The following CCNB1 variants were observed in gnomAD, a reference collection of about 807,000 sequenced individuals.
CCNB1 encodes the protein cyclin B1.
In CCNB1, 26 loss-of-function variants were observed where a neutral mutation model predicts 44.4. The ratio of observed to expected loss-of-function variants is 0.59; its 90% CI spans 0.43 to 0.81. The LOEUF (loss-of-function observed/expected upper bound fraction) is 0.81. Among genes scored for constraint, CCNB1 ranks in the 40% least tolerant of loss-of-function variants. CCNB1 has a pLI of 0.00. For missense variants in CCNB1, 477 were observed against 520.9 expected, an observed-to-expected ratio of 0.92 and a Z score of 0.82; for synonymous variants, 195 against 181.4, an observed-to-expected ratio of 1.08 and a Z score of -0.60.
chr5:69,171,466 T>G lies in CCNB1; in HGVS notation c.546+14T>G, dbSNP rs369595226. On this transcript the variant is annotated intron_variant, in intron 4 of 8. Transcript: ENST00000256442. ...AGACAACTTGAGGTAAGTATTATCA[T>G]TCGTTTTTTTTCTAAACTGCATCTA... is the stretch of plus-strand genomic sequence containing the variant. 1.9e-6 allele frequency: 3 copies of G among 1,554,478 alleles called. No homozygotes were observed. In the Admixed American group the frequency reaches 6.0e-5, roughly 31 times the overall value.
chr5:69,171,732 C>T (rs1747464351), intron 4 of CCNB1, among the ~76,000 whole-genome samples: 1 of 152,144 alleles, frequency 6.6e-6, no homozygotes, highest in Non-Finnish European at 1.5e-5. Flanking sequence ...TATATGCGAT[C>T]TCCACCACGT....
Position 69,168,338 on chromosome 5 carries a change from A to G in CCNB1, c.358A>G (p.Ile120Val), listed in dbSNP as rs767560839. The G allele has an allele frequency of 1.9e-6, 3 of 1,614,134 alleles. No individual in the cohort carries two copies. Among genetic ancestry groups the G allele is most frequent in the South Asian group, 2.2e-5 (2 of 91,074 alleles). The change falls in exon 3 of 9, where the codon ATT becomes GTT. Residue 120 changes from isoleucine to valine, a missense_variant. Ile to Val is a conservative substitution (Grantham distance 29). Transcript: ENST00000256442. ...AGAAGAAAAACTTTCGCCTGAGCCT[A>G]TTTTGGTAAACTTATTCTTACCATT... ...VKEEKLSPEP[I>V]LVDTASPSPM...
intron 7 of CCNB1, 135 bp from the exon 8 acceptor site, chr5:69,177,104 C>T (rs1747612688): frequency 1.9e-6 from 1 of 524,234 alleles, no homozygotes; most frequent in Non-Finnish European, 3.4e-6. Context: ...GAGTCTTTAG[C>T]TTTGTCTTAA....
chr5:69,173,991 A>G (rs1367642440), intron 4 of CCNB1, among the ~76,000 whole-genome samples: 1 of 151,872 alleles, frequency 6.6e-6, no homozygotes, highest in Non-Finnish European at 1.5e-5. Context: ...CTGGTCTCGA[A>G]CTCCTGGCTG....
At chr5:69,171,880 G>A (rs1747466876) in intron 4 of CCNB1, among the ~76,000 whole-genome samples, 1 of 152,170 alleles carries the variant, frequency 6.6e-6, no homozygotes, top group Non-Finnish European at 1.5e-5. Flanking sequence ...TGTGCATCCA[G>A]TTGTTGGTGA....
In CCNB1 at chr5:69,177,534, A is replaced by G; in HGVS notation, c.1205A>G (p.Asn402Ser). The change falls in exon 9 of 9, where the codon AAC (asparagine) becomes AGC (serine). Residue 402 changes from asparagine to serine, a missense_variant. Transcript: ENST00000256442. ...CTTTTTGTCTTCCAGACTGTCAAGA[A>G]CAAGTATGCCACATCGAAGCATGCT... ...QGLTKHMTVK[N>S]KYATSKHAKI... The G allele has an allele frequency of 1.2e-6, 2 of 1,610,438 alleles. No individual in the cohort carries two copies. The highest frequency in any genetic ancestry group is 1.7e-6 in the Non-Finnish European group (2 of 1,177,256).
At chr5:69,167,799 T>G (rs1747368350) in intron 1 of CCNB1, 109 bp from the exon 2 acceptor site, 4 of 1,013,492 alleles carry the variant, frequency 3.9e-6, no homozygotes, top group Non-Finnish European at 5.8e-6. Flanking sequence ...GGAACCCATT[T>G]TTAGTCGGCT....
Position 69,168,227 on chromosome 5 carries a change from C to G in CCNB1, c.247C>G (p.Leu83Val). The change falls in exon 3 of 9, where the codon CTT becomes GTT. Residue 83 changes from leucine to valine, a missense_variant. Physicochemically the swap from Leu to Val is conservative, Grantham distance 32. Coordinates refer to ENST00000256442, the MANE Select transcript of CCNB1 (RefSeq NM_031966.4). Reference protein sequence around the residue: ...KVIDKKLPKPLEKVPMLVPVP... With the variant: ...KVIDKKLPKPVEKVPMLVPVP... ...CATTGATAAAAAACTACCAAAACCTCTTGAAAAGGTACCTATGCTGGTGCC... is the reference window on the plus strand; with the variant it reads ...CATTGATAAAAAACTACCAAAACCTGTTGAAAAGGTACCTATGCTGGTGCC... 6.2e-7 allele frequency: 1 copy of G among 1,614,210 alleles called. No individual in the cohort carries two copies. The highest frequency in any genetic ancestry group is 8.5e-7 in the Non-Finnish European group (1 of 1,180,038).
rs1747351340 is a variant in CCNB1 at position 69,167,208 on chromosome 5, G to A, written c.-55G>A. ...CTGGGTGTAGGTCCTTGGCTGGTCGGGCCTCCGGTGTTCTGCTTCTCCCCG... is the reference window on the plus strand; with the variant it reads ...CTGGGTGTAGGTCCTTGGCTGGTCGAGCCTCCGGTGTTCTGCTTCTCCCCG... On this transcript the variant is annotated 5_prime_UTR_variant, in exon 1 of 9. Transcript: ENST00000256442. 1.3e-6 allele frequency: 2 copies of A among 1,510,378 alleles called. No individual in the cohort carries two copies. Among genetic ancestry groups the A allele is most frequent in the Admixed American group, 2.1e-5 (1 of 48,570 alleles). The allele number at this position is 1,510,378 out of a possible 1,614,324, so 93.6% of individuals were successfully genotyped here. A position where few individuals can be genotyped will look rare whatever the true frequency, so the allele number is the denominator to read the frequency against.
rs1364699643 is a variant in CCNB1, at chr5:69,171,397, C to T, written c.491C>T (p.Pro164Leu). 1 of 1,613,852 alleles carries T rather than the reference C, an allele frequency of 6.2e-7. No homozygotes were observed. The change falls in exon 4 of 9, where the codon CCA becomes CTA. Residue 164 changes from proline (P) to leucine (L), a missense_variant. By Grantham distance (98) the Pro-to-Leu change is moderately conservative (BLOSUM62 -3). Transcript: ENST00000256442. ...GTGGATGCAGAAGATGGAGCTGATC[C>T]AAACCTTTGTAGTGAATATGTGAAA... ...NDVDAEDGAD[P>L]NLCSEYVKDI...
At chr5:69,173,187 G>A (rs749616328) in intron 4 of CCNB1, among the ~76,000 whole-genome samples, 1 of 152,142 alleles carries the variant, frequency 6.6e-6, no homozygotes, top group Non-Finnish European at 1.5e-5. Context: ...CAGATAAATG[G>A]AGTTTGCTGG....
intron 5 of CCNB1, among the ~76,000 whole-genome samples, chr5:69,174,640 T>C (rs1157576522): frequency 1.3e-5 from 2 of 151,872 alleles, no homozygotes; most frequent in Admixed American, 6.6e-5. Flanking sequence ...TCCCAGCTAC[T>C]GGAGGCGGAG....
chr5:69,167,870 T>C, intron 1 of CCNB1, 38 bp from the exon 2 acceptor site: 2 of 1,560,724 alleles, frequency 1.3e-6, no homozygotes, highest in Non-Finnish European at 1.7e-6. Context: ...ACTCGAGCCT[T>C]CGTGGATCAG....
At chr5:69,167,569 A>G (rs1329189014) in intron 1 of CCNB1, 1 of 520,738 alleles carries the variant, frequency 1.9e-6, no homozygotes, top group Admixed American at 3.8e-5. Context: ...AAAGTGATAG[A>G]GGGTCCCTGA....
chr5:69,178,126 G>C lies in CCNB1; in HGVS notation c.*495G>C, dbSNP rs1423144785. 1 of 152,160 alleles carries C rather than the reference G, an allele frequency of 6.6e-6. No homozygotes were observed. Among genetic ancestry groups the C allele is most frequent in the African/African-American group, 2.4e-5 (1 of 41,406 alleles). The allele number at this position is 152,160 out of a possible 1,614,324, so 9.4% of individuals were successfully genotyped here. A position where few individuals can be genotyped will look rare whatever the true frequency, so the allele number is the denominator to read the frequency against. ...GTTATTTACTTTTACCACTATTTAA[G>C]TTATCAACTTTAGCTAGTATCTTCA... On this transcript the variant is annotated 3_prime_UTR_variant, in exon 9 of 9. Coordinates refer to ENST00000256442, the MANE Select transcript of CCNB1 (RefSeq NM_031966.4).
rs762582614 is a variant in CCNB1, at chr5:69,174,259, A to G, written c.555A>G (p.Gln185=). ...YAYLRQLEEE[Q]AVRPKYLLGR... ...AGCATTTTCTTTTGCAGGAAGAGCAAGCAGTCAGACCAAAATACCTACTGG... is the reference window on the plus strand; with the variant it reads ...AGCATTTTCTTTTGCAGGAAGAGCAGGCAGTCAGACCAAAATACCTACTGG... Residue 185 remains glutamine (Q), a synonymous_variant, in exon 5 of 9, where the codon CAA becomes CAG. Coordinates refer to ENST00000256442, the MANE Select transcript of CCNB1 (RefSeq NM_031966.4). 1.2e-6 allele frequency: 2 copies of G among 1,613,374 alleles called. No individual in the cohort carries two copies. The highest frequency in any genetic ancestry group is 1.7e-6 in the Non-Finnish European group (2 of 1,179,858).
In CCNB1 at chr5:69,168,052, C is replaced by A. The variant is rs776196962; in HGVS notation, c.166C>A (p.Leu56Met). 1.2e-6 allele frequency: 2 copies of A among 1,613,926 alleles called. No homozygotes were observed. Among genetic ancestry groups the A allele is most frequent in the African/African-American group, 2.7e-5 (2 of 74,928 alleles). Residue 56 changes from leucine (L) to methionine (M), a missense_variant, in exon 2 of 9, where the codon CTG (leucine) becomes ATG (methionine). Transcript: ENST00000256442. Reference protein sequence around the residue: ...GDIGNKVSEQLQAKMPMKKEA... With the variant: ...GDIGNKVSEQMQAKMPMKKEA... ...CATTGGTAACAAAGTCAGTGAACAA[C>A]TGCAGGCCAAAATGCCTATGAAGAA...
chr5:69,176,003 A>ATATATATATG (rs1747580256), intron 7 of CCNB1, among the ~76,000 whole-genome samples: 1 of 143,700 alleles, frequency 7.0e-6, no homozygotes. Context: ...ATATATATAT[A>ATATATATATG]TATATATATA....
chr5:69,175,566 C>T (rs1481013501), intron 7 of CCNB1, 29 bp downstream of exon 7: 1 of 1,601,070 alleles, frequency 6.2e-7, no homozygotes, highest in South Asian at 1.1e-5. Context: ...AACTCCTAAG[C>T]TTTTAAATTT....
Sources: allele counts gnomAD v4.1 joint callset (sites outside exome capture counted in the v4.1 genomes callset), GRCh38; gene constraint gnomAD v4.1.1; transcripts MANE v1.5; gene names NCBI Gene and HGNC (gene_info 2026-07-23, HGNC 2026-07-21).